The following UGT1A6 variants were observed in gnomAD, a reference collection of about 807,000 sequenced individuals.
UGT1A6 encodes UDP-glucuronosyltransferase 1A6.
A neutral mutation model predicts 44.4 loss-of-function variants in UGT1A6; 32 were observed. The ratio of observed to expected loss-of-function variants is 0.72; its 90% CI spans 0.54 to 0.97. The LOEUF is 0.97. Ranked by LOEUF, UGT1A6 falls within the 50% of genes least tolerant of loss-of-function variation. The pLI is 0.00. For synonymous variants in UGT1A6, 238 were observed against 248.5 expected (o/e 0.96, Z 0.40); for missense variants, 685 against 661.9 (o/e 1.03, Z -0.38).
chr2:233,755,459 T>A (rs1367046072), intron 1 of UGT1A6: 1 of 283,420 alleles, frequency 3.5e-6, no homozygotes, highest in Non-Finnish European at 6.9e-6. Flanking sequence ...GGACTGGCCC[T>A]GCTCTCTGTG....
intron 1 of UGT1A6, among the ~76,000 whole-genome samples, chr2:233,694,479 C>T (rs2075222456): frequency 6.6e-6 from 1 of 152,102 alleles, no homozygotes; most frequent in Admixed American, 6.6e-5. Flanking sequence ...TGGCCTCTGA[C>T]CTAAGACAAG....
At position 233,772,470 on chromosome 2, in the gene UGT1A6, A is replaced by G. The variant is rs1372118451; in HGVS notation, c.1510A>G (p.Ile504Val). 4 of 1,614,038 alleles carry G rather than the reference A, an allele frequency of 2.5e-6. No homozygotes were observed. The Admixed American group carries it at 5.0e-5, about 20-fold the overall frequency. Residue 504 changes from isoleucine (I) to valine (V), a missense_variant, in exon 5 of 5, where the codon ATC becomes GTC. Coordinates refer to ENST00000305139, the MANE Select transcript of UGT1A6 (RefSeq NM_001072.4). Reference protein sequence around the residue: ...LLAVVLTVAFITFKCCAYGYR... With the variant: ...LLAVVLTVAFVTFKCCAYGYR... ...GGCCGTCGTGCTGACAGTGGCCTTC[A>G]TCACCTTTAAATGTTGTGCTTATGG...
At chr2:233,719,056 C>T in intron 1 of UGT1A6, 1 of 1,614,284 alleles carries the variant, frequency 6.2e-7, no homozygotes, top group Non-Finnish European at 8.5e-7. Flanking sequence ...ACCCTGACAG[C>T]CTATGCTGTT....
Position 233,773,232 on chromosome 2 carries a change from G to A in UGT1A6, c.*673G>A, listed in dbSNP as rs915315951. On this transcript the variant is annotated 3_prime_UTR_variant, in exon 5 of 5. Transcript: ENST00000305139. Reference sequence around the variant, plus strand: ...ACCCAAAATACAGCTATGAAGTGCTGGGCAAGTTTACTTTTTTTCTGATGT... The same window carrying A: ...ACCCAAAATACAGCTATGAAGTGCTAGGCAAGTTTACTTTTTTTCTGATGT... The A allele has an allele frequency of 1.3e-5, 2 of 152,202 alleles. No individual in the cohort carries two copies. Among genetic ancestry groups the A allele is most frequent in the East Asian group, 3.7e-4 (2 of 5,344 alleles). The allele number at this position is 152,202 out of a possible 1,614,324, so 9.4% of individuals were successfully genotyped here. A position where few individuals can be genotyped will look rare whatever the true frequency, so the allele number is the denominator to read the frequency against.
In UGT1A6 at chr2:233,767,833, T is replaced by C; in HGVS notation, c.994-16T>C. On this transcript the variant is annotated splice_polypyrimidine_tract_variant and intron_variant, in intron 2 of 4. Transcript: ENST00000305139. ...TATGTTCTTTCTTTACGTTCTGCTC[T>C]TTTTGCCCCTCCCAGGTCCTGTGGC... 2 of 1,614,174 alleles carry C rather than the reference T, an allele frequency of 1.2e-6. No homozygotes were observed. Among genetic ancestry groups the C allele is most frequent in the Non-Finnish European group, 1.7e-6 (2 of 1,180,036 alleles).
chr2:233,721,742 G>A lies in UGT1A6; in HGVS notation c.861+27877G>A, dbSNP rs752644717. On this transcript the variant is annotated intron_variant, in intron 1 of 4. Transcript: ENST00000305139. ...TTTACTTGGATAAGCTTAATGATGA[G>A]AGAATCTACATCTAAATTGTTATAT... 6 of 435,954 alleles carry A rather than the reference G, an allele frequency of 1.4e-5. No individual in the cohort carries two copies. The East Asian group carries it at 1.9e-4, about 14-fold the overall frequency. The allele number at this position is 435,954 out of a possible 1,614,324, so 27.0% of individuals were successfully genotyped here. A position where few individuals can be genotyped will look rare whatever the true frequency, so the allele number is the denominator to read the frequency against.
At chr2:233,726,997 A>G (rs1314569583) in intron 1 of UGT1A6, among the ~76,000 whole-genome samples, 1 of 152,156 alleles carries the variant, frequency 6.6e-6, no homozygotes, top group Non-Finnish European at 1.5e-5. Context: ...TCTTTCTAGC[A>G]AAGTTTTATC....
At position 233,760,169 on chromosome 2, in the gene UGT1A6, T is replaced by C. The variant is rs928164877; in HGVS notation, c.862-6865T>C. 1.4e-5 allele frequency: 21 copies of C among 1,529,168 alleles called. No homozygotes were observed. In the African/African-American group the frequency reaches 2.9e-4, roughly 21 times the overall value. 94.7% of individuals were successfully genotyped at this position (1,529,168 alleles called of 1,614,324 possible). A position where few individuals can be genotyped will look rare whatever the true frequency, so the allele number is the denominator to read the frequency against. On this transcript the variant is annotated intron_variant, in intron 1 of 4. Coordinates refer to ENST00000305139, the MANE Select transcript of UGT1A6 (RefSeq NM_001072.4). ...TGAACTCCCTGCTACCTTTGTGGACTGACAGCTTTTTATAGTCACGTGACA... is the reference window on the plus strand; with the variant it reads ...TGAACTCCCTGCTACCTTTGTGGACCGACAGCTTTTTATAGTCACGTGACA...
chr2:233,744,844 A>C (rs1390116888), intron 1 of UGT1A6, among the ~76,000 whole-genome samples: 1 of 151,966 alleles, frequency 6.6e-6, no homozygotes, highest in African/African-American at 2.4e-5. Context: ...AGTCTAGCAG[A>C]GTAGTCCTTG....
chr2:233,691,794 T>C (rs1414888702), upstream of UGT1A6: 1 of 237,524 alleles, frequency 4.2e-6, no homozygotes, highest in Non-Finnish European at 6.8e-6. Flanking sequence ...GCTAGACTTA[T>C]ACTTCTCAAA....
chr2:233,705,529 C>T lies in UGT1A6; in HGVS notation c.861+11664C>T, dbSNP rs369165092. Among the ~76,000 whole-genome samples, 3 of 152,250 alleles carry T rather than the reference C, an allele frequency of 2.0e-5. No homozygotes were observed. The South Asian group carries it at 6.2e-4, about 32-fold the overall frequency. On this transcript the variant is annotated intron_variant, in intron 1 of 4. Transcript: ENST00000305139. The stretch of plus-strand genomic sequence containing the variant: ...AGAATCAGGGTGGGGAGATTACCTT[C>T]AGCTGTGAAGAGCAGCTGGTGATAT...
chr2:233,704,870 A>G (rs2075810941), intron 1 of UGT1A6, among the ~76,000 whole-genome samples: 1 of 152,098 alleles, frequency 6.6e-6, no homozygotes, highest in Admixed American at 6.5e-5. Flanking sequence ...ACGGTGGCTC[A>G]CTCCTGTAAT....
At chr2:233,746,881 A>T (rs1422259027) in intron 1 of UGT1A6, among the ~76,000 whole-genome samples, 1 of 151,740 alleles carries the variant, frequency 6.6e-6, no homozygotes, top group Non-Finnish European at 1.5e-5. Context: ...TGGTTAACAG[A>T]GAAGTAGGAG....
rs1361976171 is a variant in UGT1A6, at chr2:233,732,838, C to T, written c.862-34196C>T. ...ATATGAACTTTAAAGTAGTTTTTTC[C>T]AATTTTGTGAAGTCATTGGTAGCTT... On this transcript the variant is annotated intron_variant, in intron 1 of 4. Transcript: ENST00000305139. Among the ~76,000 whole-genome samples, 5 of 149,882 alleles carry T rather than the reference C, an allele frequency of 3.3e-5. No homozygotes were observed. The East Asian group carries it at 7.8e-4, about 23-fold the overall frequency.
chr2:233,735,336 G>GC (rs1210118835), intron 1 of UGT1A6, among the ~76,000 whole-genome samples: 3 of 151,898 alleles, frequency 2.0e-5, no homozygotes, highest in Non-Finnish European at 2.9e-5. Flanking sequence ...TGCAACCCCT[G>GC]CTTTTTTTTT....
rs185333824 is a variant in UGT1A6, at chr2:233,753,128, G to A, written c.862-13906G>A. 3.3e-4 allele frequency: 50 copies of A among 152,262 alleles called. No individual in the cohort carries two copies. The East Asian group carries it at 8.9e-3, about 27-fold the overall frequency. 9.4% of individuals were successfully genotyped at this position (152,262 alleles called of 1,614,324 possible). A position where few individuals can be genotyped will look rare whatever the true frequency, so the allele number is the denominator to read the frequency against. On this transcript the variant is annotated intron_variant, in intron 1 of 4. Transcript: ENST00000305139. ...AAACCCATCCCCAGCAAACTACTCA[G>A]TGAGTATCTTCACACATGTAAGTTC...
At chr2:233,743,166 TA>T in intron 1 of UGT1A6, 1 of 363,344 alleles carries the variant, frequency 2.8e-6, no homozygotes, top group East Asian at 7.3e-5. Context: ...CAGATGTGCT[TA>T]AAGTCAAATG....
chr2:233,745,880 T>G (rs1172718877), intron 1 of UGT1A6, among the ~76,000 whole-genome samples: 2 of 151,190 alleles, frequency 1.3e-5, no homozygotes, highest in Non-Finnish European at 2.9e-5. Context: ...TCCAGAAGTG[T>G]TGGTGGGGTG....
chr2:233,759,921 T>C (rs1359496363), intron 1 of UGT1A6, among the ~76,000 whole-genome samples: 1 of 152,198 alleles, frequency 6.6e-6, no homozygotes, highest in African/African-American at 2.4e-5. Context: ...TTCTGTTTAA[T>C]TTCTGGAAAA....
Sources: gnomAD v4.1 joint callset for allele counts (sites outside exome capture counted in the v4.1 genomes callset) on GRCh38, gnomAD v4.1.1 for gene constraint, MANE v1.5 for transcripts, NCBI Gene and HGNC (gene_info 2026-07-23, HGNC 2026-07-21) for gene names.